CENPH: variants seen among roughly 807,000 people sequenced by gnomAD.
CENPH encodes CENP-H.
In CENPH, 40 loss-of-function variants were observed where a neutral mutation model predicts 42.9. The ratio of observed to expected loss-of-function variants is 0.93; its 90% CI spans 0.72 to 1.21. The LOEUF is 1.21. Among genes scored for constraint, CENPH ranks in the 50% most tolerant of loss-of-function variants. The pLI, the probability that CENPH is intolerant of heterozygous loss-of-function variation, is 0.00. For missense variants in CENPH, 302 were observed against 292.9 expected, an observed-to-expected ratio of 1.03 and a Z score of -0.23; for synonymous variants, 88 against 96.5, an observed-to-expected ratio of 0.91 and a Z score of 0.52.
chr5:69,209,643 A>G lies in CENPH; in HGVS notation c.652-64A>G, dbSNP rs983325269. 25 of 732,752 alleles carry G rather than the reference A, an allele frequency of 3.4e-5. No homozygotes were observed. In the African/African-American group the frequency reaches 4.3e-4, roughly 13 times the overall value. 45.4% of individuals were successfully genotyped at this position (732,752 alleles called of 1,614,324 possible). On this transcript the variant is annotated intron_variant, in intron 8 of 8. Coordinates refer to ENST00000283006, the MANE Select transcript of CENPH (RefSeq NM_022909.4). ...CTTGATAAGATTCATGAAAAATGAT[A>G]TTCTAAAATCTTGTTAAATTTTTAA...
intron 8 of CENPH, among the ~76,000 whole-genome samples, chr5:69,209,384 A>G (rs1312159310): frequency 2.0e-5 from 3 of 151,960 alleles, no homozygotes; most frequent in Non-Finnish European, 4.4e-5. Flanking sequence ...CTAAAAATAC[A>G]AAAATTAGCC....
chr5:69,207,144 A>T (rs1160876148), intron 7 of CENPH, among the ~76,000 whole-genome samples: 6 of 152,124 alleles, frequency 3.9e-5, no homozygotes, highest in Non-Finnish European at 8.8e-5. Context: ...ATTTCCAGTA[A>T]TACAAAAAAT....
intron 5 of CENPH, 81 bp from the exon 6 acceptor site, chr5:69,202,421 CATTG>C: frequency 1.3e-6 from 1 of 762,350 alleles, no homozygotes; most frequent in Non-Finnish European, 2.2e-6. Flanking sequence ...AGTTTTCACT[CATTG>C]ATTCCTTCAT....
intron 7 of CENPH, among the ~76,000 whole-genome samples, chr5:69,205,320 T>A (rs1180159982): frequency 6.6e-6 from 1 of 151,944 alleles, no homozygotes; most frequent in Non-Finnish European, 1.5e-5. Context: ...CTCTGTCTCC[T>A]GGATTCAAGC....
At chr5:69,194,574 G>A (rs1747932189) in intron 2 of CENPH, 73 bp from the exon 3 acceptor site, 1 of 813,284 alleles carries the variant, frequency 1.2e-6, no homozygotes, top group Non-Finnish European at 2.0e-6. Flanking sequence ...TTGCCCTTGT[G>A]GCTTACATTA....
chr5:69,197,903 T>TA (rs1278857004), intron 5 of CENPH, among the ~76,000 whole-genome samples: 2 of 148,162 alleles, frequency 1.3e-5, no homozygotes, highest in African/African-American at 4.9e-5. Flanking sequence ...TCAGAGGTCT[T>TA]ACCTATGATC....
At chr5:69,194,436 A>G (rs979625535) in intron 2 of CENPH, among the ~76,000 whole-genome samples, 7 of 152,228 alleles carry the variant, frequency 4.6e-5, no homozygotes, top group African/African-American at 1.7e-4. Context: ...GAAATATGTC[A>G]TTAGTAATGT....
chr5:69,193,011 C>T (rs2617405), intron 2 of CENPH, among the ~76,000 whole-genome samples: 67,689 of 151,260 alleles, frequency 0.45, 15,258 homozygotes, highest in South Asian at 0.56. Context: ...GCAGGAGAAT[C>T]GCTTGAACCT....
chr5:69,202,876 T>C, intron 6 of CENPH, 43 bp from the exon 7 acceptor site: 2 of 1,218,622 alleles, frequency 1.6e-6, no homozygotes, highest in South Asian at 2.6e-5. Flanking sequence ...GGTTTGTCCT[T>C]ACATACAGTA....
At chr5:69,197,006 A>G in intron 4 of CENPH, 47 bp from the exon 5 acceptor site, 2 of 1,265,486 alleles carry the variant, frequency 1.6e-6, no homozygotes, top group African/African-American at 1.5e-5. Context: ...TTAATGTACC[A>G]CAAATGTTAT....
At chr5:69,206,593 G>C (rs982967031) in intron 7 of CENPH, among the ~76,000 whole-genome samples, 1 of 151,904 alleles carries the variant, frequency 6.6e-6, no homozygotes, top group African/African-American at 2.4e-5. Flanking sequence ...GGTTCAAGCA[G>C]TTCTCCTACC....
rs189415911 is a variant in CENPH at position 69,210,039 on chromosome 5, T to C, written c.*240T>C. ...TTTTTTGAGATGGAGTCTCGCTTTG[T>C]TGCCCAGACTGGAGGGCAGTGGCGC... On this transcript the variant is annotated 3_prime_UTR_variant, in exon 9 of 9. Transcript: ENST00000283006. The C allele has an allele frequency of 2.2e-5, 6 of 273,662 alleles. No individual in the cohort carries two copies. The Admixed American group carries it at 2.8e-4, about 13-fold the overall frequency. 17.0% of individuals were successfully genotyped at this position (273,662 alleles called of 1,614,324 possible).
intron 7 of CENPH, among the ~76,000 whole-genome samples, chr5:69,203,694 G>A (rs943074866): frequency 1.3e-5 from 2 of 151,912 alleles, no homozygotes; most frequent in African/African-American, 2.4e-5. Context: ...GTAGGGACGG[G>A]ATTTCACCTT....
rs1051098835 is a variant in CENPH at position 69,189,615 on chromosome 5, G to A, written c.-20G>A. The A allele has an allele frequency of 1.6e-5, 25 of 1,585,752 alleles. No homozygotes were observed. The highest frequency in any genetic ancestry group is 2.1e-5 in the Non-Finnish European group (24 of 1,169,756). Reference sequence around the variant, plus strand: ...GAGCGCGTTTGCCTGTTGAGTGGTAGCCTTTCCCCTCAACCAGCAATGGAG... The same window carrying A: ...GAGCGCGTTTGCCTGTTGAGTGGTAACCTTTCCCCTCAACCAGCAATGGAG... On this transcript the variant is annotated 5_prime_UTR_variant, in exon 1 of 9. Transcript: ENST00000283006.
At chr5:69,190,007 G>A (rs1747840261) in intron 1 of CENPH, among the ~76,000 whole-genome samples, 1 of 152,198 alleles carries the variant, frequency 6.6e-6, no homozygotes, top group Admixed American at 6.5e-5. Flanking sequence ...TGAGCACAGT[G>A]CCCCGGGCCC....
chr5:69,206,470 C>T (rs350093), intron 7 of CENPH, among the ~76,000 whole-genome samples: 61,717 of 150,942 alleles, frequency 0.41, 12,715 homozygotes, highest in South Asian at 0.55. Context: ...CATGAGCCAC[C>T]GTGCCCAGCC....
chr5:69,196,208 G>T (rs1362992382), intron 4 of CENPH, among the ~76,000 whole-genome samples: 2 of 152,046 alleles, frequency 1.3e-5, no homozygotes, highest in Non-Finnish European at 2.9e-5. Flanking sequence ...AAAATGCTGG[G>T]ATTACACAAG....
At chr5:69,208,944 G>C (rs1748203753) in intron 8 of CENPH, among the ~76,000 whole-genome samples, 1 of 149,006 alleles carries the variant, frequency 6.7e-6, no homozygotes, top group Non-Finnish European at 1.5e-5. Flanking sequence ...ATAGGCATCT[G>C]CCACCACACC....
At position 69,197,039 on chromosome 5, in the gene CENPH, T is replaced by C; in HGVS notation, c.315-14T>C. ...TATCCATGTTTTATAATGCAAGCTT[T>C]TTCCCTCTCATAGGATGAGACTTTC... On this transcript the variant is annotated splice_polypyrimidine_tract_variant and intron_variant, in intron 4 of 8. Transcript: ENST00000283006. 1 of 1,538,210 alleles carries C rather than the reference T, an allele frequency of 6.5e-7. No individual in the cohort carries two copies. Among genetic ancestry groups the C allele is most frequent in the South Asian group, 1.3e-5 (1 of 79,940 alleles).
Sources: gnomAD v4.1 joint callset for allele counts (sites outside exome capture counted in the v4.1 genomes callset) on GRCh38, gnomAD v4.1.1 for gene constraint, MANE v1.5 for transcripts, NCBI Gene and HGNC (gene_info 2026-07-23, HGNC 2026-07-21) for gene names.